RBFOX1: variants seen among roughly 807,000 people sequenced by gnomAD.
RBFOX1 encodes the protein RNA binding fox-1 homolog 1.
Under a neutral mutation model 57.7 loss-of-function variants are expected in RBFOX1, and 8 were observed. The observed-to-expected ratio is 0.14, with a 90% CI of 0.08 to 0.25. The LOEUF is 0.25. RBFOX1 is among the 10% of genes least tolerant of loss of function. The probability of loss-of-function intolerance (pLI) is 1.00; values close to 1 mark genes in which losing one functional copy is unlikely to be tolerated. For synonymous variants in RBFOX1, 326 were observed against 222.4 expected, an observed-to-expected ratio of 1.47 and a Z score of -4.15; for missense variants, 611 against 548.5, an observed-to-expected ratio of 1.11 and a Z score of -1.14.
At chr16:6,386,047 T>C (rs1304317998) in intron 2 of RBFOX1, among the ~76,000 whole-genome samples, 2 of 152,018 alleles carry the variant, frequency 1.3e-5, no homozygotes, top group Non-Finnish European at 2.9e-5. Flanking sequence ...ACCATTCTCC[T>C]GCCTCAGCCT....
intron 3 of RBFOX1, among the ~76,000 whole-genome samples, chr16:5,647,611 G>A (rs1027638596): frequency 1.3e-5 from 2 of 152,096 alleles, no homozygotes; most frequent in African/African-American, 4.8e-5. Context: ...GTGTGGGAAA[G>A]GAGAAAAAGA....
chr16:6,714,439 G>C (rs966732425), intron 3 of RBFOX1, among the ~76,000 whole-genome samples: 1 of 152,150 alleles, frequency 6.6e-6, no homozygotes, highest in Non-Finnish European at 1.5e-5. Context: ...CTATATGGAA[G>C]TGAAGCTTTA....
chr16:6,253,954 A>G (rs538584310), intron 1 of RBFOX1, among the ~76,000 whole-genome samples: 5 of 152,174 alleles, frequency 3.3e-5, no homozygotes, highest in African/African-American at 4.8e-5. Context: ...TTTCACCTCA[A>G]CTCAAGTAGG....
rs181819422 is a variant in RBFOX1, at chr16:5,859,348, A to C, written c.319-7955A>C. Among the ~76,000 whole-genome samples, 329 of 152,326 alleles carry C rather than the reference A, an allele frequency of 2.2e-3. 3 individuals carry two copies. The highest frequency in any genetic ancestry group is 3.6e-3 in the Non-Finnish European group (244 of 68,032). The stretch of plus-strand genomic sequence containing the variant: ...ACCTTGAACTCACAAAACCACAGCT[A>C]TCCATTCTCAATCTCCAACTCTAAG... On this transcript the variant is annotated intron_variant, in intron 3 of 19. Coordinates refer to the RBFOX1 transcript ENST00000641259.
At chr16:6,679,275 AG>A (rs1430066917) in intron 3 of RBFOX1, among the ~76,000 whole-genome samples, 5 of 152,140 alleles carry the variant, frequency 3.3e-5, no homozygotes, top group African/African-American at 1.2e-4. Flanking sequence ...GTGAGCTTAA[AG>A]AAAAATAATA....
intron 2 of RBFOX1, among the ~76,000 whole-genome samples, chr16:6,455,256 C>T (rs891325371): frequency 6.6e-6 from 1 of 152,028 alleles, no homozygotes; most frequent in Non-Finnish European, 1.5e-5. Context: ...CTCAAGGAAT[C>T]TTCAGTCTAC....
intron 4 of RBFOX1, chr16:7,333,140 A>G (rs2096723129): frequency 6.5e-7 from 1 of 1,532,008 alleles, no homozygotes; most frequent in Non-Finnish European, 9.0e-7. Context: ...TGCTCAGAGT[A>G]ATAATTGGAA....
intron 4 of RBFOX1, among the ~76,000 whole-genome samples, chr16:7,404,550 G>A (rs2098302683): frequency 6.6e-6 from 1 of 152,128 alleles, no homozygotes; most frequent in African/African-American, 2.4e-5. Flanking sequence ...CTGCTTCACA[G>A]TTCAAAAAGT....
chr16:5,948,709 C>T (rs1037583618), intron 4 of RBFOX1, among the ~76,000 whole-genome samples: 1 of 152,122 alleles, frequency 6.6e-6, no homozygotes, highest in Non-Finnish European at 1.5e-5. Context: ...CCCTCAGAGC[C>T]GCAGGATGGA....
intron 4 of RBFOX1, among the ~76,000 whole-genome samples, chr16:7,364,736 G>A (rs764316998): frequency 3.5e-4 from 54 of 152,120 alleles, no homozygotes; most frequent in Non-Finnish European, 6.6e-4. Flanking sequence ...AAGTCCCAGG[G>A]CAGGGAATAC....
chr16:7,479,497 G>A (rs2063448946), intron 4 of RBFOX1, among the ~76,000 whole-genome samples: 1 of 152,104 alleles, frequency 6.6e-6, no homozygotes, highest in African/African-American at 2.4e-5. Context: ...CAGGACACCT[G>A]AAGTCCCTTG....
At chr16:6,731,216 A>G (rs2068499143) in intron 3 of RBFOX1, among the ~76,000 whole-genome samples, 3 of 152,192 alleles carry the variant, frequency 2.0e-5, no homozygotes, top group African/African-American at 2.4e-5. Context: ...TCCTAGAGGA[A>G]CTAAATCCAG....
chr16:5,457,715 T>G (rs1201313914), intron 1 of RBFOX1, among the ~76,000 whole-genome samples: 1 of 152,240 alleles, frequency 6.6e-6, no homozygotes, highest in Admixed American at 6.5e-5. Flanking sequence ...CCCCTGTAAC[T>G]GGGTTAGGTG....
At chr16:6,210,353 AAAAACAC>A (rs2097286635) in intron 1 of RBFOX1, among the ~76,000 whole-genome samples, 4 of 96,638 alleles carry the variant, frequency 4.1e-5, no homozygotes, top group Non-Finnish European at 9.6e-5. Context: ...AACAAAAAAA[AAAAACAC>A]CAAAAAAAAA....
At chr16:7,528,943 A>G (rs2079320121) in intron 5 of RBFOX1, among the ~76,000 whole-genome samples, 1 of 152,200 alleles carries the variant, frequency 6.6e-6, no homozygotes, top group South Asian at 2.1e-4. Context: ...CACATATTTA[A>G]AAAGATCACA....
chr16:5,265,447 C>T (rs1479385990), intron 1 of RBFOX1, among the ~76,000 whole-genome samples: 1 of 152,180 alleles, frequency 6.6e-6, no homozygotes, highest in Non-Finnish European at 1.5e-5. Flanking sequence ...GCTTTGTTGT[C>T]CCCCAAATTA....
chr16:7,458,892 C>T (rs2059035910), intron 4 of RBFOX1, among the ~76,000 whole-genome samples: 1 of 152,202 alleles, frequency 6.6e-6, no homozygotes, highest in African/African-American at 2.4e-5. Flanking sequence ...TGTCTTTCTG[C>T]ACTAGCATGT....
At chr16:5,446,859 A>T (rs1400238488) in intron 1 of RBFOX1, among the ~76,000 whole-genome samples, 1 of 152,128 alleles carries the variant, frequency 6.6e-6, no homozygotes, top group Non-Finnish European at 1.5e-5. Flanking sequence ...TGGGTACCAC[A>T]AAGATGTAGG....
intron 4 of RBFOX1, among the ~76,000 whole-genome samples, chr16:7,357,134 C>T (rs956548500): frequency 3.3e-5 from 5 of 151,702 alleles, no homozygotes; most frequent in Admixed American, 2.0e-4. Flanking sequence ...ACTGTGTGCT[C>T]GAGGTGCTGG....
Sources: allele counts gnomAD v4.1 joint callset (sites outside exome capture counted in the v4.1 genomes callset), GRCh38; gene constraint gnomAD v4.1.1; transcripts MANE v1.5; gene names NCBI Gene and HGNC (gene_info 2026-07-23, HGNC 2026-07-21).